Variants in LYPLA1 observed in about 807,000 individuals in gnomAD.
LYPLA1 encodes lysophospholipase 1, also known as acyl-protein thioesterase 1.
In LYPLA1, 17 loss-of-function variants were observed where a neutral mutation model predicts 34.0. The observed-to-expected ratio is 0.50, with a 90% CI of 0.34 to 0.75. The LOEUF is 0.75. Ranked by LOEUF, LYPLA1 falls within the 30% of genes least tolerant of loss-of-function variation. LYPLA1 has a pLI of 0.01. For synonymous variants in LYPLA1, 98 were observed against 100.8 expected (o/e 0.97, Z 0.17); for missense variants, 203 against 288.8 (o/e 0.70, Z 2.15).
At position 54,055,040 on chromosome 8, in the gene LYPLA1, C is replaced by A; in HGVS notation, c.360+20G>T. On this transcript the variant is annotated intron_variant, in intron 6 of 8. Coordinates refer to ENST00000316963, the MANE Select transcript of LYPLA1 (RefSeq NM_006330.4). Reference sequence around the variant, plus strand: ...TAAGTATACTGATGGTACTGACATTCCACTCAAATTTTATCTTACCTGAGA... The same window carrying A: ...TAAGTATACTGATGGTACTGACATTACACTCAAATTTTATCTTACCTGAGA... The A allele has an allele frequency of 4.8e-6, 7 of 1,452,228 alleles. No homozygotes were observed. Among genetic ancestry groups the A allele is most frequent in the Non-Finnish European group, 6.8e-6 (7 of 1,034,484 alleles). 90.0% of individuals were successfully genotyped at this position (1,452,228 alleles called of 1,614,324 possible). A position where few individuals can be genotyped will look rare whatever the true frequency, so the allele number is the denominator to read the frequency against.
chr8:54,058,591 ACTCT>A (rs371046109), intron 5 of LYPLA1, among the ~76,000 whole-genome samples: 61 of 150,962 alleles, frequency 4.0e-4, no homozygotes, highest in African/African-American at 1.2e-3. Flanking sequence ...GCTCGCTCAC[ACTCT>A]CTCTCTGTGT....
At chr8:54,085,196 C>T (rs989523613) in intron 2 of LYPLA1, among the ~76,000 whole-genome samples, 1 of 152,246 alleles carries the variant, frequency 6.6e-6, no homozygotes, top group Admixed American at 6.5e-5. Context: ...CCGTGTTGGC[C>T]GGGCTGGTCT....
intron 1 of LYPLA1, chr8:54,101,454 A>T (rs1810143547): frequency 1.8e-6 from 2 of 1,096,980 alleles, no homozygotes; most frequent in Non-Finnish European, 1.1e-6. Flanking sequence ...CCCACACACC[A>T]GGCAGAAACA....
intron 2 of LYPLA1, among the ~76,000 whole-genome samples, chr8:54,082,698 T>A (rs891682429): frequency 1.3e-5 from 2 of 152,206 alleles, no homozygotes; most frequent in Admixed American, 6.5e-5. Flanking sequence ...GGCATTTCAA[T>A]TTTTTTCACA....
chr8:54,052,282 C>T (rs1275841470), intron 7 of LYPLA1, among the ~76,000 whole-genome samples: 1 of 152,146 alleles, frequency 6.6e-6, no homozygotes, highest in Non-Finnish European at 1.5e-5. Context: ...ATGTACTCCA[C>T]AATACAGACA....
downstream of LYPLA1, among the ~76,000 whole-genome samples, chr8:54,044,173 G>A (rs574879415): frequency 2.0e-5 from 3 of 152,276 alleles, no homozygotes; most frequent in South Asian, 4.1e-4. Flanking sequence ...TATTACAGGT[G>A]TGAGGGAGCC....
At chr8:54,101,279 A>T (rs1217717376) in intron 1 of LYPLA1, 4 of 992,348 alleles carry the variant, frequency 4.0e-6, no homozygotes, top group African/African-American at 1.7e-5. Context: ...CCACTGCAAA[A>T]GCAAGCTTCC....
intron 5 of LYPLA1, among the ~76,000 whole-genome samples, chr8:54,059,323 A>G (rs1401262096): frequency 3.0e-5 from 2 of 67,706 alleles, no homozygotes; most frequent in Admixed American, 1.8e-4. Flanking sequence ...TTTGAGACGG[A>G]GTCTCGCTCT....
chr8:54,081,723 C>T (rs1343430295), intron 2 of LYPLA1, among the ~76,000 whole-genome samples: 8 of 144,940 alleles, frequency 5.5e-5, no homozygotes, highest in South Asian at 4.3e-4. Flanking sequence ...CCTTTCTTTT[C>T]GTTTTTTTTT....
chr8:54,070,044 G>A (rs1482557167), intron 2 of LYPLA1, among the ~76,000 whole-genome samples: 1 of 152,224 alleles, frequency 6.6e-6, no homozygotes, highest in East Asian at 1.9e-4. Flanking sequence ...ACTGTTGGTA[G>A]AAATGTAAAT....
intron 6 of LYPLA1, chr8:54,053,381 A>G (rs752182347): frequency 3.2e-6 from 1 of 312,500 alleles, no homozygotes; most frequent in Non-Finnish European, 6.4e-6. Flanking sequence ...GGTGTGAGCC[A>G]CCGTGCCTGG....
At chr8:54,072,731 C>A (rs1410364711) in intron 2 of LYPLA1, among the ~76,000 whole-genome samples, 1 of 151,904 alleles carries the variant, frequency 6.6e-6, no homozygotes, top group Admixed American at 6.6e-5. Flanking sequence ...GTAATCCCAG[C>A]ACTTTGGGTA....
chr8:54,075,765 C>T (rs1488568037), intron 2 of LYPLA1, among the ~76,000 whole-genome samples: 1 of 152,094 alleles, frequency 6.6e-6, no homozygotes, highest in African/African-American at 2.4e-5. Flanking sequence ...CAGTATTTAC[C>T]ATAATAAATC....
chr8:54,101,097 T>C (rs1227911692), intron 1 of LYPLA1, among the ~76,000 whole-genome samples, 158 bp from the exon 2 acceptor site: 2 of 147,610 alleles, frequency 1.4e-5, no homozygotes, highest in African/African-American at 5.1e-5. Flanking sequence ...CTCTTTTAAA[T>C]GGCAAAAATT....
chr8:54,099,254 C>T (rs1284619230), intron 2 of LYPLA1, among the ~76,000 whole-genome samples: 1 of 152,128 alleles, frequency 6.6e-6, no homozygotes, highest in Non-Finnish European at 1.5e-5. Flanking sequence ...AGAGATTCTG[C>T]TATTCGAGTT....
chr8:54,080,326 C>T (rs1481125330), intron 2 of LYPLA1, among the ~76,000 whole-genome samples: 1 of 152,144 alleles, frequency 6.6e-6, no homozygotes, highest in Non-Finnish European at 1.5e-5. Flanking sequence ...CACTGCACTC[C>T]AGCCTGGGCA....
intron 2 of LYPLA1, 131 bp from the exon 3 acceptor site, chr8:54,065,944 GT>G (rs2129335860): frequency 3.0e-6 from 2 of 673,188 alleles, no homozygotes; most frequent in South Asian, 3.4e-5. Context: ...TTTTTTGTTT[GT>G]TTGTTTTTTG....
In LYPLA1 at chr8:54,066,785, A is replaced by G. The variant is rs1807100966; in HGVS notation, c.102-972T>C. Among the ~76,000 whole-genome samples, 6 of 149,930 alleles carry G rather than the reference A, an allele frequency of 4.0e-5. No homozygotes were observed. In the South Asian group the frequency reaches 1.3e-3, roughly 32 times the overall value. On this transcript the variant is annotated intron_variant, in intron 2 of 8. Coordinates refer to ENST00000316963, the MANE Select transcript of LYPLA1 (RefSeq NM_006330.4). Reference sequence around the variant, plus strand: ...AACAGAGCGAGACTCCATCTCAAAAAAAAAGAAAAGAAAAAAAAGAAAAAG... The same window carrying G: ...AACAGAGCGAGACTCCATCTCAAAAGAAAAGAAAAGAAAAAAAAGAAAAAG...
chr8:54,101,689 G>A (rs947310121), intron 1 of LYPLA1, 66 bp downstream of exon 1: 13 of 1,216,848 alleles, frequency 1.1e-5, no homozygotes, highest in Non-Finnish European at 1.3e-5. Context: ...CGCCCACCCC[G>A]CGCGAGGGGC....
Sources: allele counts gnomAD v4.1 joint callset (sites outside exome capture counted in the v4.1 genomes callset), GRCh38; gene constraint gnomAD v4.1.1; transcripts MANE v1.5; gene names NCBI Gene and HGNC (gene_info 2026-07-23, HGNC 2026-07-21).